AFF3: variants seen among roughly 807,000 people sequenced by gnomAD.
AFF3 encodes the protein AF4/FMR2 family member 3.
AFF3 carries 32 observed loss-of-function variants against 129.7 expected under a neutral mutation model. The observed-to-expected ratio is 0.25, with a 90% CI of 0.19 to 0.33. The LOEUF is 0.33. Ranked by LOEUF, AFF3 falls within the 10% of genes least tolerant of loss-of-function variation. AFF3 has a pLI of 1.00. For missense variants in AFF3, 1,373 were observed against 1,592.0 expected, an observed-to-expected ratio of 0.86 and a Z score of 2.34; for synonymous variants, 644 against 635.4, an observed-to-expected ratio of 1.01 and a Z score of -0.20.
chr2:100,100,002 C>A (rs1334585157), intron 4 of AFF3, among the ~76,000 whole-genome samples: 2 of 130,240 alleles, frequency 1.5e-5, no homozygotes, highest in Non-Finnish European at 3.2e-5. Context: ...TCTCCTCTGT[C>A]TAATATTCTG....
At chr2:99,856,054 A>C (rs76061557) in intron 7 of AFF3, among the ~76,000 whole-genome samples, 1 of 152,326 alleles carries the variant, frequency 6.6e-6, no homozygotes, top group African/African-American at 2.4e-5. Context: ...AGGTCATCAA[A>C]AATAAGGGAA....
intron 7 of AFF3, among the ~76,000 whole-genome samples, chr2:99,896,541 G>A (rs1416714406): frequency 6.9e-6 from 1 of 145,246 alleles, no homozygotes; most frequent in Admixed American, 6.9e-5. Context: ...TCCAGCTGAA[G>A]TGAAGCAGAT....
chr2:99,688,331 G>C (rs1675274926), intron 11 of AFF3, among the ~76,000 whole-genome samples: 1 of 152,076 alleles, frequency 6.6e-6, no homozygotes, highest in African/African-American at 2.4e-5. Context: ...CAAATCAAAG[G>C]CTTATCATTA....
intron 4 of AFF3, among the ~76,000 whole-genome samples, chr2:100,081,101 G>A (rs1468210390): frequency 6.6e-6 from 1 of 151,934 alleles, no homozygotes; most frequent in African/African-American, 2.4e-5. Flanking sequence ...AGTGGAATCA[G>A]GTCACTGTCC....
intron 7 of AFF3, among the ~76,000 whole-genome samples, chr2:99,946,934 A>G (rs1035771769): frequency 6.6e-6 from 1 of 152,148 alleles, no homozygotes; most frequent in Non-Finnish European, 1.5e-5. Flanking sequence ...CCCATTCTAG[A>G]CAAAATGATC....
At chr2:100,074,692 G>A (rs1038364013) in intron 4 of AFF3, among the ~76,000 whole-genome samples, 2 of 152,108 alleles carry the variant, frequency 1.3e-5, no homozygotes, top group African/African-American at 4.8e-5. Context: ...TAAATTAGAC[G>A]GTACACAATA....
chr2:100,032,357 A>T (rs925524242), intron 4 of AFF3, among the ~76,000 whole-genome samples: 2 of 151,890 alleles, frequency 1.3e-5, no homozygotes, highest in Non-Finnish European at 2.9e-5. Flanking sequence ...TGAACCCAGG[A>T]GGCGGAGGCT....
At chr2:99,672,371 A>T (rs1222670712) in intron 12 of AFF3, among the ~76,000 whole-genome samples, 167 bp downstream of exon 12, 2 of 152,260 alleles carry the variant, frequency 1.3e-5, no homozygotes, top group African/African-American at 4.8e-5. Flanking sequence ...ATTATGGGCA[A>T]GCTATTTTAA....
chr2:99,896,783 G>A (rs1381205762), intron 7 of AFF3, among the ~76,000 whole-genome samples: 1 of 151,398 alleles, frequency 6.6e-6, no homozygotes, highest in African/African-American at 2.4e-5. Flanking sequence ...CTACAGGCAC[G>A]CACCACCATG....
intron 7 of AFF3, among the ~76,000 whole-genome samples, chr2:99,944,413 G>A (rs746672753): frequency 1.6e-4 from 25 of 152,174 alleles, no homozygotes; most frequent in Admixed American, 1.3e-4. Flanking sequence ...GTTTTTCACT[G>A]TAAAATTAGA....
At chr2:99,727,881 TG>T (rs1026391543) in intron 10 of AFF3, among the ~76,000 whole-genome samples, 1 of 152,176 alleles carries the variant, frequency 6.6e-6, no homozygotes, top group African/African-American at 2.4e-5. Context: ...GAATTTTTAC[TG>T]AACACTGAGG....
intron 2 of AFF3, chr2:100,106,814 C>CA: frequency 1.0e-6 from 1 of 985,482 alleles, no homozygotes; most frequent in East Asian, 1.1e-4. Flanking sequence ...GCCTGGAGCT[C>CA]AGATACAGAT....
At chr2:99,971,583 G>A (rs1369682176) in intron 7 of AFF3, among the ~76,000 whole-genome samples, 2 of 152,132 alleles carry the variant, frequency 1.3e-5, no homozygotes, top group South Asian at 2.1e-4. Context: ...CTGTGTCTAC[G>A]TTTTAAATTT....
chr2:100,110,532 A>C (rs1573450308), intron 2 of AFF3, among the ~76,000 whole-genome samples: 1 of 152,244 alleles, frequency 6.6e-6, no homozygotes, highest in East Asian at 1.9e-4. Flanking sequence ...CAAATGCAGC[A>C]ATTATGGCTT....
At chr2:99,826,899 G>C (rs1053847089) in intron 8 of AFF3, among the ~76,000 whole-genome samples, 7 of 152,110 alleles carry the variant, frequency 4.6e-5, no homozygotes, top group Non-Finnish European at 8.8e-5. Flanking sequence ...GAGTCATGTA[G>C]GAAAAGGATG....
intron 12 of AFF3, among the ~76,000 whole-genome samples, chr2:99,658,743 G>A (rs1685977891): frequency 1.3e-5 from 2 of 152,194 alleles, no homozygotes; most frequent in Admixed American, 1.3e-4. Flanking sequence ...GCTCCACAGA[G>A]CAGCCCCATT....
chr2:100,124,937 C>T (rs1692123466), intron 2 of AFF3, among the ~76,000 whole-genome samples: 1 of 152,082 alleles, frequency 6.6e-6, no homozygotes, highest in Non-Finnish European at 1.5e-5. Context: ...GGGTCATGAC[C>T]TTAAGACATA....
Position 99,831,021 on chromosome 2 carries a change from C to CT in AFF3, c.921+6455dup, listed in dbSNP as rs1688481386. On this transcript the variant is annotated intron_variant, in intron 8 of 24. Coordinates refer to ENST00000672756, the MANE Select transcript of AFF3 (RefSeq NM_001386135.1). ...TCACACACACCCACACTCACTGACA[C>CT]TAGGACTGTGAAGACATGCCAGTGA... Among the ~76,000 whole-genome samples the CT allele has an allele frequency of 9.2e-5, 14 of 152,306 alleles. No homozygotes were observed. The South Asian group carries it at 2.9e-3, about 32-fold the overall frequency.
chr2:99,729,737 G>A (rs183901650), intron 10 of AFF3, among the ~76,000 whole-genome samples: 2 of 150,948 alleles, frequency 1.3e-5, no homozygotes, highest in Non-Finnish European at 3.0e-5. Flanking sequence ...TTTTTTAGTT[G>A]GGTGTGCAGG....
Sources: gnomAD v4.1 joint callset for allele counts (sites outside exome capture counted in the v4.1 genomes callset) on GRCh38, gnomAD v4.1.1 for gene constraint, MANE v1.5 for transcripts, NCBI Gene and HGNC (gene_info 2026-07-23, HGNC 2026-07-21) for gene names.